The following KBTBD12 variants were observed in gnomAD, a reference collection of about 807,000 sequenced individuals.
KBTBD12 encodes kelch repeat and BTB domain containing 12.
Under a neutral mutation model 58.7 loss-of-function variants are expected in KBTBD12, and 53 were observed. That is an observed-to-expected ratio of 0.90 (90% CI 0.72 to 1.14). The LOEUF (loss-of-function observed/expected upper bound fraction) is 1.14, where lower values mean the gene tolerates loss of function less well. Ranked by LOEUF, KBTBD12 falls within the 50% of genes most tolerant of loss-of-function variation. The pLI is 0.00. For synonymous variants in KBTBD12, 236 were observed against 259.8 expected (o/e 0.91, Z 0.88); for missense variants, 704 against 751.3 (o/e 0.94, Z 0.74).
intron 4 of KBTBD12, among the ~76,000 whole-genome samples, chr3:127,934,425 A>T (rs923088970): frequency 2.0e-5 from 3 of 152,140 alleles, no homozygotes; most frequent in Non-Finnish European, 4.4e-5. Context: ...ATTGGAGAAA[A>T]ATTAGCAGGG....
At chr3:127,925,681 C>A (rs1270978226) in intron 2 of KBTBD12, among the ~76,000 whole-genome samples, 2 of 152,158 alleles carry the variant, frequency 1.3e-5, no homozygotes, top group African/African-American at 4.8e-5. Context: ...ACCGTCTCAC[C>A]CTCCACATTG....
chr3:127,972,848 G>C (rs1334870843), intron 5 of KBTBD12, among the ~76,000 whole-genome samples: 1 of 152,154 alleles, frequency 6.6e-6, no homozygotes, highest in Non-Finnish European at 1.5e-5. Context: ...CAAAAGCCAG[G>C]TAATAAATGT....
At chr3:127,954,678 A>G (rs1940282333) in intron 4 of KBTBD12, among the ~76,000 whole-genome samples, 1 of 152,168 alleles carries the variant, frequency 6.6e-6, no homozygotes, top group African/African-American at 2.4e-5. Context: ...GTGAGGCCAG[A>G]ATCTATTTAT....
intron 4 of KBTBD12, among the ~76,000 whole-genome samples, chr3:127,943,463 G>T (rs1940002891): frequency 6.6e-6 from 1 of 151,378 alleles, no homozygotes; most frequent in African/African-American, 2.4e-5. Flanking sequence ...TTGGGCATTT[G>T]TATATCTTTT....
chr3:127,938,012 AAGCAGACCACC>A (rs1299804140), intron 4 of KBTBD12, among the ~76,000 whole-genome samples: 2 of 152,160 alleles, frequency 1.3e-5, no homozygotes, highest in Non-Finnish European at 2.9e-5. Context: ...GTAACACTGA[AAGCAGACCACC>A]AGCAGACCAC....
At chr3:127,973,210 C>T (rs1940714540) in intron 5 of KBTBD12, among the ~76,000 whole-genome samples, 1 of 152,108 alleles carries the variant, frequency 6.6e-6, no homozygotes, top group Admixed American at 6.5e-5. Flanking sequence ...CATTTTACCT[C>T]CAGTTTATAG....
chr3:127,979,160 G>A (rs913639761), intron 5 of KBTBD12, among the ~76,000 whole-genome samples: 4 of 152,126 alleles, frequency 2.6e-5, no homozygotes. Context: ...ACAAGACCTA[G>A]AATAATATGG....
intron 4 of KBTBD12, among the ~76,000 whole-genome samples, chr3:127,962,051 G>T (rs1343666645): frequency 6.6e-6 from 1 of 152,204 alleles, no homozygotes; most frequent in African/African-American, 2.4e-5. Flanking sequence ...ACTCTTCCAG[G>T]ACCTCTCTAT....
chr3:127,986,458 T>C lies in KBTBD12; in HGVS notation c.*2180T>C, dbSNP rs1940967359. On this transcript the variant is annotated 3_prime_UTR_variant, in exon 6 of 6. Transcript: ENST00000405109. Reference sequence around the variant, plus strand: ...CAGTGCTTTAGGGAAGTGGGGCAGATGTGCATATGGCTTGTGACGGTTCTT... The same window carrying C: ...CAGTGCTTTAGGGAAGTGGGGCAGACGTGCATATGGCTTGTGACGGTTCTT... 1 of 152,112 alleles carries C rather than the reference T, an allele frequency of 6.6e-6. No individual in the cohort carries two copies. Among genetic ancestry groups the C allele is most frequent in the Admixed American group, 6.6e-5 (1 of 15,252 alleles). 9.4% of individuals were successfully genotyped at this position (152,112 alleles called of 1,614,324 possible). A position where few individuals can be genotyped will look rare whatever the true frequency, so the allele number is the denominator to read the frequency against.
chr3:127,963,470 C>A, intron 5 of KBTBD12, 84 bp downstream of exon 5: 2 of 1,268,002 alleles, frequency 1.6e-6, no homozygotes, highest in Non-Finnish European at 2.2e-6. Context: ...CACTAATATT[C>A]CTGAGAGCAA....
chr3:127,934,146 T>A (rs1025403780), intron 4 of KBTBD12, among the ~76,000 whole-genome samples: 15 of 152,144 alleles, frequency 9.9e-5, no homozygotes, highest in Non-Finnish European at 2.1e-4. Flanking sequence ...AAAGGCAAAG[T>A]CTTCAAAGTG....
At chr3:127,962,720 A>C (rs1220929617) in intron 4 of KBTBD12, among the ~76,000 whole-genome samples, 1 of 152,206 alleles carries the variant, frequency 6.6e-6, no homozygotes, top group Non-Finnish European at 1.5e-5. Context: ...TAGTTGGGAA[A>C]GATCATGCAA....
chr3:127,916,653 A>C (rs549502320), intron 1 of KBTBD12, among the ~76,000 whole-genome samples: 1 of 151,638 alleles, frequency 6.6e-6, no homozygotes, highest in African/African-American at 2.4e-5. Flanking sequence ...AGATGCTGGA[A>C]TATTTCAGCT....
At chr3:127,973,807 C>T (rs1353445520) in intron 5 of KBTBD12, among the ~76,000 whole-genome samples, 1 of 152,172 alleles carries the variant, frequency 6.6e-6, no homozygotes, top group Non-Finnish European at 1.5e-5. Flanking sequence ...AAGAACAAAG[C>T]TTTGATAGAC....
chr3:127,930,167 G>A lies in KBTBD12; in HGVS notation c.1376G>A (p.Ser459Asn), dbSNP rs142019537. ...CCTGATGAAGAACCTGATCGATTAA[G>A]CAACAAACTGTTGCAGTATGACCCC... The part of the protein sequence containing the change: ...DLPDEEPDRL[S>N]NKLLQYDPSQ... The change falls in exon 4 of 6, where the codon AGC becomes AAC. Residue 459 changes from serine to asparagine, a missense_variant. Physicochemically the swap from Ser to Asn is conservative, Grantham distance 46 (BLOSUM62 1). Coordinates refer to ENST00000405109, the MANE Select transcript of KBTBD12 (RefSeq NM_207335.4). 7.5e-4 allele frequency: 1,195 copies of A among 1,599,042 alleles called. 4 individuals carry two copies. The highest frequency in any genetic ancestry group is 9.4e-4 in the Non-Finnish European group (1,098 of 1,171,894).
chr3:127,963,634 A>AGGTG (rs372277148), intron 5 of KBTBD12: 62,288 of 408,082 alleles, frequency 0.15, 5,374 homozygotes, highest in South Asian at 0.3. Context: ...CCCTGAACAC[A>AGGTG]CCTGGTCTCA....
chr3:127,942,235 A>G (rs1939965466), intron 4 of KBTBD12, among the ~76,000 whole-genome samples: 1 of 152,206 alleles, frequency 6.6e-6, no homozygotes, highest in Non-Finnish European at 1.5e-5. Context: ...AAAGATTACT[A>G]TAATCAAGCT....
intron 4 of KBTBD12, among the ~76,000 whole-genome samples, chr3:127,946,591 A>T (rs7633372): frequency 0.66 from 100,108 of 152,066 alleles, 34,366 homozygotes; most frequent in African/African-American, 0.86. Context: ...TTGACTATGA[A>T]CTGCCTAAGT....
intron 4 of KBTBD12, among the ~76,000 whole-genome samples, chr3:127,947,136 A>G (rs955823067): frequency 6.6e-6 from 1 of 152,030 alleles, no homozygotes; most frequent in Non-Finnish European, 1.5e-5. Context: ...TTGATCAGCC[A>G]TATTTCCCTG....
Sources: gnomAD v4.1 joint callset for allele counts (sites outside exome capture counted in the v4.1 genomes callset) on GRCh38, gnomAD v4.1.1 for gene constraint, MANE v1.5 for transcripts, NCBI Gene and HGNC (gene_info 2026-07-23, HGNC 2026-07-21) for gene names.